Variants in TNRC6A observed in about 807,000 individuals in gnomAD.
The protein encoded by TNRC6A is trinucleotide repeat containing adaptor 6A.
Under a neutral mutation model 221.2 loss-of-function variants are expected in TNRC6A, and 44 were observed. That is an observed-to-expected ratio of 0.20 (90% CI 0.16 to 0.26). The LOEUF (loss-of-function observed/expected upper bound fraction) is 0.26. Ranked by LOEUF, TNRC6A falls within the 10% of genes least tolerant of loss-of-function variation. TNRC6A has a pLI of 1.00. For synonymous variants in TNRC6A, 847 were observed against 838.5 expected (o/e 1.01, Z -0.18); for missense variants, 2,199 against 2,404.4 (o/e 0.91, Z 1.79).
chr16:24,738,855 G>GTTGTT (rs923366162), intron 2 of TNRC6A, among the ~76,000 whole-genome samples: 5 of 152,074 alleles, frequency 3.3e-5, no homozygotes, highest in Admixed American at 2.6e-4. Flanking sequence ...TTTTGTTTGT[G>GTTGTT]TTGTTTTGTT....
At chr16:24,791,999 G>GT (rs1490406438) in intron 6 of TNRC6A, among the ~76,000 whole-genome samples, 182 bp downstream of exon 6, 4 of 152,256 alleles carry the variant, frequency 2.6e-5, no homozygotes, top group Admixed American at 6.5e-5. Flanking sequence ...TGGCAGTGTT[G>GT]TTTGAGTCCT....
chr16:24,821,859 T>G, intron 22 of TNRC6A: 1 of 575,264 alleles, frequency 1.7e-6, no homozygotes, highest in Non-Finnish European at 3.1e-6. Flanking sequence ...CTGGGAGCCA[T>G]TCTGAGCTCA....
Position 24,777,063 on chromosome 16 carries a change from G to A in TNRC6A, c.294G>A (p.Gln98=). Residue 98 remains glutamine, a synonymous_variant, in exon 5 of 25, where the codon CAG becomes CAA. Coordinates refer to ENST00000395799, the MANE Select transcript of TNRC6A (RefSeq NM_014494.4). ...CCAACAATCAGCAGCCACAGCAGCA[G>A]CAGCAACAGCAGCAGCCGCAGCAGC... ...ATANNQQPQQ[Q]QQQQQPQQQQ... The A allele has an allele frequency of 6.2e-7, 1 of 1,607,560 alleles. No homozygotes were observed.
chr16:24,671,983 A>G (rs2055312004), intron 2 of TNRC6A, among the ~76,000 whole-genome samples: 1 of 152,222 alleles, frequency 6.6e-6, no homozygotes, highest in Admixed American at 6.5e-5. Context: ...AAACAGTCAT[A>G]AAAAGACATT....
chr16:24,745,244 ATT>A (rs2056979673), intron 2 of TNRC6A, among the ~76,000 whole-genome samples: 1 of 152,008 alleles, frequency 6.6e-6, no homozygotes, highest in African/African-American at 2.4e-5. Context: ...TTCCTTACCT[ATT>A]TTTGCTCCAG....
intron 8 of TNRC6A, chr16:24,795,704 A>G (rs1031876121): frequency 2.4e-5 from 11 of 450,750 alleles, no homozygotes; most frequent in African/African-American, 1.0e-4. Flanking sequence ...GTGCTTTTAC[A>G]TGTTTTACAT....
chr16:24,620,431 T>C (rs1045860931), intron 1 of TNRC6A, among the ~76,000 whole-genome samples: 1 of 152,138 alleles, frequency 6.6e-6, no homozygotes, highest in African/African-American at 2.4e-5. Flanking sequence ...TGGAATGCCT[T>C]ATATACCAAG....
chr16:24,702,676 C>T (rs12599045), intron 2 of TNRC6A, among the ~76,000 whole-genome samples: 76,205 of 151,808 alleles, frequency 0.5, 20,703 homozygotes, highest in East Asian at 0.86. Flanking sequence ...TTCGAGGCTG[C>T]AGTGAGCTGT....
At chr16:24,755,628 G>T (rs1217663504) in intron 3 of TNRC6A, among the ~76,000 whole-genome samples, 1 of 152,200 alleles carries the variant, frequency 6.6e-6, no homozygotes, top group East Asian at 1.9e-4. Context: ...AGGCAGTCAG[G>T]CTTTAGATCC....
chr16:24,753,093 A>T (rs2057172843), intron 3 of TNRC6A, among the ~76,000 whole-genome samples: 1 of 152,232 alleles, frequency 6.6e-6, no homozygotes, highest in Non-Finnish European at 1.5e-5. Context: ...TCACCAAGTC[A>T]GTATAAGTGG....
intron 23 of TNRC6A, among the ~76,000 whole-genome samples, chr16:24,822,468 A>G (rs1459286838): frequency 6.6e-6 from 1 of 152,182 alleles, no homozygotes; most frequent in East Asian, 1.9e-4. Context: ...TTGTTGGCAC[A>G]TGGAGAAATC....
chr16:24,704,082 C>CA (rs34569194), intron 2 of TNRC6A, among the ~76,000 whole-genome samples: 13,013 of 132,626 alleles, frequency 0.098, 701 homozygotes, highest in African/African-American at 0.14. Flanking sequence ...GACCTTGTAT[C>CA]AAAAAAAAAA....
At chr16:24,696,990 A>G (rs1292552818) in intron 2 of TNRC6A, among the ~76,000 whole-genome samples, 1 of 152,118 alleles carries the variant, frequency 6.6e-6, no homozygotes, top group East Asian at 1.9e-4. Flanking sequence ...CTAGATAGGA[A>G]AGATGAGTTC....
At chr16:24,680,753 G>GT (rs1040787085) in intron 2 of TNRC6A, among the ~76,000 whole-genome samples, 5 of 150,480 alleles carry the variant, frequency 3.3e-5, no homozygotes, top group Admixed American at 1.3e-4. Context: ...ATTAGGAAGC[G>GT]TTTTTTTGTT....
chr16:24,740,480 A>G (rs1400587912), intron 2 of TNRC6A, among the ~76,000 whole-genome samples: 2 of 152,124 alleles, frequency 1.3e-5, no homozygotes, highest in Non-Finnish European at 2.9e-5. Flanking sequence ...AATTGTTTTC[A>G]AAGATGTTGT....
intron 2 of TNRC6A, among the ~76,000 whole-genome samples, chr16:24,702,051 G>T (rs79607213): frequency 0.026 from 3,820 of 148,652 alleles, 94 homozygotes; most frequent in East Asian, 0.1. Flanking sequence ...CAGGGACCAT[G>T]TGTCTTCTCT....
chr16:24,651,948 A>G (rs570206464), intron 2 of TNRC6A, among the ~76,000 whole-genome samples: 33 of 151,104 alleles, frequency 2.2e-4, no homozygotes, highest in African/African-American at 7.3e-4. Flanking sequence ...AAAAAAAAAA[A>G]TTAATTAAAA....
intron 5 of TNRC6A, 117 bp downstream of exon 5, chr16:24,777,475 T>C: frequency 1.0e-6 from 1 of 981,836 alleles, no homozygotes; most frequent in Non-Finnish European, 1.5e-6. Context: ...TGGGCTTTAA[T>C]GTAAGAGTTC....
At chr16:24,782,580 C>T (rs1341718060) in intron 5 of TNRC6A, among the ~76,000 whole-genome samples, 1 of 152,018 alleles carries the variant, frequency 6.6e-6, no homozygotes, top group Non-Finnish European at 1.5e-5. Flanking sequence ...GAATTTTGTA[C>T]GTAAGAGTGA....
Sources: gnomAD v4.1 joint callset for allele counts (sites outside exome capture counted in the v4.1 genomes callset) on GRCh38, gnomAD v4.1.1 for gene constraint, MANE v1.5 for transcripts, NCBI Gene and HGNC (gene_info 2026-07-23, HGNC 2026-07-21) for gene names.